The following NEO1 variants were observed in gnomAD, a reference collection of about 807,000 sequenced individuals.
NEO1 encodes the protein neogenin 1.
In NEO1, 63 loss-of-function variants were observed where a neutral mutation model predicts 159.7. The observed-to-expected ratio is 0.39, with a 90% CI of 0.32 to 0.49. NEO1 has a LOEUF of 0.49. NEO1 is among the 20% of genes least tolerant of loss of function. The pLI, the probability that NEO1 is intolerant of heterozygous loss-of-function variation, is 0.85. For synonymous variants in NEO1, 633 were observed against 662.0 expected (o/e 0.96, Z 0.67); for missense variants, 1,615 against 1,831.0 (o/e 0.88, Z 2.15).
chr15:73,189,696 G>A (rs565295082), intron 7 of NEO1, among the ~76,000 whole-genome samples: 31 of 152,312 alleles, frequency 2.0e-4, no homozygotes, highest in Middle Eastern at 6.8e-3. Context: ...GCGTTGGAGC[G>A]TCCACAGTAG....
intron 1 of NEO1, among the ~76,000 whole-genome samples, chr15:73,071,259 A>G (rs1386176967): frequency 6.6e-6 from 1 of 152,124 alleles, no homozygotes; most frequent in Non-Finnish European, 1.5e-5. Context: ...CTTTATGTGT[A>G]GTTACTACTT....
At chr15:73,259,610 T>G (rs1003548005) in intron 14 of NEO1, among the ~76,000 whole-genome samples, 6 of 152,118 alleles carry the variant, frequency 3.9e-5, no homozygotes, top group Non-Finnish European at 7.4e-5. Flanking sequence ...CTCCTTGGCC[T>G]TGCAAAGTGC....
At chr15:73,122,045 A>G (rs1220951846) in intron 2 of NEO1, among the ~76,000 whole-genome samples, 4 of 129,876 alleles carry the variant, frequency 3.1e-5, no homozygotes, top group African/African-American at 1.2e-4. Context: ...GGAAATATAT[A>G]GGGGTGTGTG....
At chr15:73,109,061 A>G (rs2070834698) in intron 1 of NEO1, among the ~76,000 whole-genome samples, 1 of 152,174 alleles carries the variant, frequency 6.6e-6, no homozygotes, top group African/African-American at 2.4e-5. Context: ...GGGAAGAAAG[A>G]TGATCAAACT....
chr15:73,196,487 GATT>G (rs2036538653), intron 7 of NEO1, among the ~76,000 whole-genome samples: 2 of 152,284 alleles, frequency 1.3e-5, no homozygotes, highest in South Asian at 4.1e-4. Context: ...GTGTCTGTGA[GATT>G]ATTCACATGC....
At chr15:73,142,763 A>G (rs187462756) in intron 5 of NEO1, among the ~76,000 whole-genome samples, 2 of 152,354 alleles carry the variant, frequency 1.3e-5, no homozygotes, top group African/African-American at 4.8e-5. Context: ...CAGATCTGCT[A>G]TGGCTTTGCA....
At chr15:73,169,283 G>A (rs922842755) in intron 5 of NEO1, among the ~76,000 whole-genome samples, 1 of 152,102 alleles carries the variant, frequency 6.6e-6, no homozygotes, top group African/African-American at 2.4e-5. Flanking sequence ...CTGAAATGAT[G>A]ATGGCATTTG....
intron 20 of NEO1, 30 bp downstream of exon 20, chr15:73,274,035 G>C: frequency 6.2e-7 from 1 of 1,601,360 alleles, no homozygotes; most frequent in Non-Finnish European, 8.5e-7. Flanking sequence ...GGGTTTTGTT[G>C]TGTGTCTCTT....
rs763116841 is a variant in NEO1 at position 73,053,845 on chromosome 15, A to T, written c.130+1040A>T. ...ATATGATATTTTTACATTTGAAAGC[A>T]GTCTTACCGCTGAACCAGTACTTGT... On this transcript the variant is annotated intron_variant, in intron 1 of 28. Coordinates refer to ENST00000261908, the MANE Select transcript of NEO1 (RefSeq NM_002499.4). 7.2e-5 allele frequency among the ~76,000 whole-genome samples: 11 copies of T among 152,270 alleles called. No homozygotes were observed. The East Asian group carries it at 2.1e-3, about 29-fold the overall frequency.
At chr15:73,201,658 T>C (rs979537589) in intron 7 of NEO1, among the ~76,000 whole-genome samples, 5 of 152,106 alleles carry the variant, frequency 3.3e-5, no homozygotes, top group African/African-American at 1.2e-4. Context: ...GACAGAAGGG[T>C]ATTTAAACTC....
At chr15:73,232,891 T>C (rs2038983909) in intron 7 of NEO1, among the ~76,000 whole-genome samples, 1 of 152,160 alleles carries the variant, frequency 6.6e-6, no homozygotes, top group Non-Finnish European at 1.5e-5. Flanking sequence ...GAACAATCAC[T>C]CTAGCAGAGC....
rs535766120 is a variant in NEO1, at chr15:73,113,718, G to A, written c.131-2822G>A. ...GAAATGTGGGTGGCAGTATTTAGTT[G>A]CACAGCATCTAAGTTTTAGAAGTTG... On this transcript the variant is annotated intron_variant, in intron 1 of 28. Transcript: ENST00000261908. Among the ~76,000 whole-genome samples the A allele has an allele frequency of 2.0e-5, 3 of 152,214 alleles. No homozygotes were observed. In the East Asian group the frequency reaches 5.8e-4, roughly 29 times the overall value.
chr15:73,142,859 C>T (rs1001766909), intron 5 of NEO1, among the ~76,000 whole-genome samples: 2 of 152,160 alleles, frequency 1.3e-5, no homozygotes, highest in Non-Finnish European at 2.9e-5. Context: ...AACCTCCCCC[C>T]ACAACACTAA....
intron 1 of NEO1, among the ~76,000 whole-genome samples, chr15:73,082,701 A>T (rs2069133979): frequency 6.6e-6 from 1 of 152,218 alleles, no homozygotes; most frequent in African/African-American, 2.4e-5. Context: ...TTATTAATAC[A>T]TATCAGTATT....
intron 22 of NEO1, among the ~76,000 whole-genome samples, chr15:73,281,236 G>T (rs2041691203): frequency 2.1e-5 from 2 of 93,514 alleles, no homozygotes; most frequent in South Asian, 9.7e-4. Flanking sequence ...TATAAGCCAG[G>T]TTGTTAGGAG....
intron 7 of NEO1, among the ~76,000 whole-genome samples, chr15:73,228,250 T>TA (rs1171905920): frequency 6.6e-6 from 1 of 152,182 alleles, no homozygotes; most frequent in Non-Finnish European, 1.5e-5. Context: ...CTTTGTTTCT[T>TA]AGAGTCAGGC....
chr15:73,052,184 C>T (rs2067465342), upstream of NEO1, among the ~76,000 whole-genome samples: 1 of 147,828 alleles, frequency 6.8e-6, no homozygotes, highest in Non-Finnish European at 1.5e-5. Context: ...GGGAGCGGGC[C>T]CGCCACGGCC....
Position 73,301,119 on chromosome 15 carries a change from A to G in NEO1, c.4166-202A>G, listed in dbSNP as rs899608879. ...GGACTAGGATATTGGTTTTCTAGAGACAGTGGAATATTTTCTCTGGCCTCA... is the reference window on the plus strand; with the variant it reads ...GGACTAGGATATTGGTTTTCTAGAGGCAGTGGAATATTTTCTCTGGCCTCA... On this transcript the variant is annotated intron_variant, in intron 27 of 28. Coordinates refer to ENST00000261908, the MANE Select transcript of NEO1 (RefSeq NM_002499.4). Among the ~76,000 whole-genome samples, 3 of 152,250 alleles carry G rather than the reference A, an allele frequency of 2.0e-5. No homozygotes were observed. The South Asian group carries it at 6.2e-4, about 32-fold the overall frequency.
At chr15:73,165,745 G>C (rs1292983548) in intron 5 of NEO1, among the ~76,000 whole-genome samples, 2 of 152,228 alleles carry the variant, frequency 1.3e-5, no homozygotes, top group East Asian at 3.8e-4. Context: ...AGAGGACCCA[G>C]AAGAGGATTG....
Sources: allele counts gnomAD v4.1 joint callset (sites outside exome capture counted in the v4.1 genomes callset), GRCh38; gene constraint gnomAD v4.1.1; transcripts MANE v1.5; gene names NCBI Gene and HGNC (gene_info 2026-07-23, HGNC 2026-07-21).